Variants in SZRD1 observed in about 807,000 individuals in gnomAD.
SZRD1 encodes SUZ RNA binding domain containing 1.
In SZRD1, 7 loss-of-function variants were observed where a neutral mutation model predicts 17.6. The observed-to-expected ratio is 0.40, with a 90% CI of 0.23 to 0.75. The LOEUF (loss-of-function observed/expected upper bound fraction) is 0.75. SZRD1 is among the 30% of genes least tolerant of loss of function. The pLI, the probability that SZRD1 is intolerant of heterozygous loss-of-function variation, is 0.38. For missense variants in SZRD1, 178 were observed against 201.8 expected (o/e 0.88, Z 0.71); for synonymous variants, 77 against 77.9 (o/e 0.99, Z 0.06).
At position 16,391,767 on chromosome 1, in the gene SZRD1, T is replaced by C. The variant is rs1295053710; in HGVS notation, c.101+343T>C. ...GTCATTTCCCAGATCTGGACATCAG[T>C]TTCTTTCTCTGTGGCATGAGGAGTG... is the stretch of plus-strand genomic sequence containing the variant. On this transcript the variant is annotated intron_variant, in intron 2 of 3. Coordinates refer to ENST00000401088, the MANE Select transcript of SZRD1 (RefSeq NM_001114600.3). This position sits in a 1 kb window ranked among gnomAD's most constrained non-coding sequence, Gnocchi z 4.3. Among the ~76,000 whole-genome samples, 5 of 152,134 alleles carry C rather than the reference T, an allele frequency of 3.3e-5. No individual in the cohort carries two copies. Among genetic ancestry groups the C allele is most frequent in the Non-Finnish European group, 7.4e-5 (5 of 68,012 alleles).
intron 1 of SZRD1, among the ~76,000 whole-genome samples, chr1:16,371,602 C>T (rs544875923): frequency 1.4e-4 from 21 of 151,916 alleles, no homozygotes; most frequent in Non-Finnish European, 2.8e-4. Context: ...GCTGGGACTA[C>T]AGGCACCCAC....
At chr1:16,379,137 T>G (rs1570013365) in intron 1 of SZRD1, among the ~76,000 whole-genome samples, 2 of 152,138 alleles carry the variant, frequency 1.3e-5, no homozygotes, top group East Asian at 3.9e-4. Context: ...GTTTTGTTTT[T>G]GAGATGGAGT....
At chr1:16,379,795 C>T (rs947273574) in intron 1 of SZRD1, among the ~76,000 whole-genome samples, 1 of 138,054 alleles carries the variant, frequency 7.2e-6, no homozygotes, top group African/African-American at 2.7e-5. Flanking sequence ...AAGTCTCGCT[C>T]TGTTGCCCAG....
At chr1:16,376,220 A>C (rs1230665858) in intron 1 of SZRD1, among the ~76,000 whole-genome samples, 1 of 152,200 alleles carries the variant, frequency 6.6e-6, no homozygotes, top group African/African-American at 2.4e-5. Flanking sequence ...ATTTGTTTAC[A>C]TTTGCTTCTC....
chr1:16,396,717 G>A lies in SZRD1; in HGVS notation c.*1577G>A, dbSNP rs1414027875. On this transcript the variant is annotated 3_prime_UTR_variant, in exon 4 of 4. Transcript: ENST00000401088. ...CGTGGTGGCCAAGGTGGCAAGCTGA[G>A]TCTCACAGGCTCACTCCCTCGTTGG... 1 of 152,414 alleles carries A rather than the reference G, an allele frequency of 6.6e-6. No homozygotes were observed. Among genetic ancestry groups the A allele is most frequent in the Non-Finnish European group, 1.5e-5 (1 of 68,166 alleles). The allele number at this position is 152,414 out of a possible 1,614,324, so 9.4% of individuals were successfully genotyped here. A position where few individuals can be genotyped will look rare whatever the true frequency, so the allele number is the denominator to read the frequency against.
At chr1:16,370,171 C>T (rs1373236134) in intron 1 of SZRD1, among the ~76,000 whole-genome samples, 1 of 151,754 alleles carries the variant, frequency 6.6e-6, no homozygotes, top group Non-Finnish European at 1.5e-5. Context: ...TTTGCTGCTA[C>T]CTCTCTACCT....
At chr1:16,394,966 A>G in intron 3 of SZRD1, 72 bp from the exon 4 acceptor site, 1 of 929,906 alleles carries the variant, frequency 1.1e-6, no homozygotes, top group Non-Finnish European at 1.7e-6. Context: ...AAAATAAATA[A>G]AAAATAAAGA....
chr1:16,369,211 T>C, intron 1 of SZRD1: 1 of 505,744 alleles, frequency 2.0e-6, no homozygotes, highest in African/African-American at 2.0e-5. Flanking sequence ...TTTGTAGCTA[T>C]CTTTGCTGTT....
intron 1 of SZRD1, among the ~76,000 whole-genome samples, chr1:16,388,182 C>T (rs751246700): frequency 8.1e-4 from 123 of 152,132 alleles, no homozygotes; most frequent in Non-Finnish European, 1.5e-3. Context: ...GGCATAATCT[C>T]GGCTCACTGC....
intron 1 of SZRD1, chr1:16,387,372 T>C: frequency 4.4e-6 from 2 of 453,402 alleles, no homozygotes; most frequent in Middle Eastern, 3.6e-4. Flanking sequence ...TTCACTCTAA[T>C]GTGTGAGGCC....
rs1250780604 is a variant in SZRD1, at chr1:16,367,411, C to T, written c.51+103C>T. 5.1e-6 allele frequency: 6 copies of T among 1,170,518 alleles called. No individual in the cohort carries two copies. In the East Asian group the frequency reaches 1.6e-4, roughly 32 times the overall value. 72.5% of individuals were successfully genotyped at this position (1,170,518 alleles called of 1,614,324 possible). On this transcript the variant is annotated intron_variant, in intron 1 of 3. Transcript: ENST00000401088. ...GATAGTTCTCCCCAAGGAAGGGCCC[C>T]ATACGCCGGGCTGGGGGTGGTGGAG...
intron 1 of SZRD1, among the ~76,000 whole-genome samples, chr1:16,369,699 G>T (rs905771872): frequency 1.3e-5 from 2 of 152,076 alleles, no homozygotes; most frequent in Admixed American, 1.3e-4. Flanking sequence ...GACCAGCCTG[G>T]CCAACATGGT....
intron 1 of SZRD1, among the ~76,000 whole-genome samples, chr1:16,380,471 A>T (rs1263042717): frequency 2.1e-5 from 3 of 145,574 alleles, no homozygotes; most frequent in South Asian, 2.2e-4. Flanking sequence ...CCTGGCTTTT[A>T]TTTTTTTTTT....
At chr1:16,383,248 C>T (rs2083136309) in intron 1 of SZRD1, among the ~76,000 whole-genome samples, 1 of 150,846 alleles carries the variant, frequency 6.6e-6, no homozygotes, top group South Asian at 2.1e-4. Flanking sequence ...AGGTGGGGCC[C>T]CACTCTGTCA....
At chr1:16,369,533 C>T in intron 1 of SZRD1, 1 of 770,948 alleles carries the variant, frequency 1.3e-6, no homozygotes, top group Non-Finnish European at 2.3e-6. Flanking sequence ...GAAGCCATGG[C>T]AGCAGCGGAG....
chr1:16,380,626 G>T (rs1350622892), intron 1 of SZRD1, among the ~76,000 whole-genome samples: 1 of 152,084 alleles, frequency 6.6e-6, no homozygotes, highest in Admixed American at 6.6e-5. Flanking sequence ...GTGCCATCAC[G>T]CCTGGCTAAT....
At chr1:16,382,203 T>C (rs963420997) in intron 1 of SZRD1, among the ~76,000 whole-genome samples, 9 of 151,356 alleles carry the variant, frequency 5.9e-5, no homozygotes, top group African/African-American at 2.2e-4. Flanking sequence ...TTTTTTTCTT[T>C]TTTGAGATGG....
At chr1:16,370,094 C>T (rs1241328669) in intron 1 of SZRD1, among the ~76,000 whole-genome samples, 3 of 152,102 alleles carry the variant, frequency 2.0e-5, no homozygotes. Flanking sequence ...GATCACACAG[C>T]TGGGGGAAGC....
intron 1 of SZRD1, among the ~76,000 whole-genome samples, chr1:16,368,285 A>T (rs562041935): frequency 6.6e-6 from 1 of 152,168 alleles, no homozygotes; most frequent in South Asian, 2.1e-4. Context: ...TTAAAGGTTT[A>T]CGTGTGCGAG....
Sources: allele counts gnomAD v4.1 joint callset (sites outside exome capture counted in the v4.1 genomes callset), GRCh38; gene constraint gnomAD v4.1.1; non-coding constraint Gnocchi (gnomAD v3.1); transcripts MANE v1.5; gene names NCBI Gene and HGNC (gene_info 2026-07-23, HGNC 2026-07-21).